RELN: variants seen among roughly 807,000 people sequenced by gnomAD.
RELN encodes reelin.
In RELN, 108 loss-of-function variants were observed where a neutral mutation model predicts 427.6. That is an observed-to-expected ratio of 0.25 (90% CI 0.22 to 0.30). The LOEUF (loss-of-function observed/expected upper bound fraction) is 0.30. Among genes scored for constraint, RELN ranks in the 10% least tolerant of loss-of-function variants. The pLI, the probability that RELN is intolerant of heterozygous loss-of-function variation, is 1.00. For missense variants in RELN, 3,715 were observed against 4,302.8 expected (o/e 0.86, Z 3.82); for synonymous variants, 1,524 against 1,513.4 (o/e 1.01, Z -0.16).
chr7:103,839,125 A>G (rs1045415096), intron 2 of RELN, among the ~76,000 whole-genome samples: 2 of 152,270 alleles, frequency 1.3e-5, no homozygotes, highest in Admixed American at 6.5e-5. Flanking sequence ...AACACTATTC[A>G]TATCATTATG....
chr7:103,530,092 T>G (rs1829907320), intron 46 of RELN, among the ~76,000 whole-genome samples: 1 of 152,192 alleles, frequency 6.6e-6, no homozygotes, highest in Non-Finnish European at 1.5e-5. Context: ...CATTGCCTAT[T>G]ACTCTATGTT....
At chr7:103,613,451 G>T (rs568722284) in intron 20 of RELN, among the ~76,000 whole-genome samples, 11 of 152,250 alleles carry the variant, frequency 7.2e-5, no homozygotes, top group African/African-American at 2.6e-4. Flanking sequence ...ATATCAAGCT[G>T]TAGAATGCAA....
intron 6 of RELN, among the ~76,000 whole-genome samples, chr7:103,744,334 T>G (rs1462333248): frequency 6.6e-6 from 1 of 151,720 alleles, no homozygotes; most frequent in Non-Finnish European, 1.5e-5. Flanking sequence ...ATTGACACCC[T>G]AACATCACAA....
intron 1 of RELN, among the ~76,000 whole-genome samples, chr7:103,987,910 C>T (rs541327383): frequency 6.6e-6 from 1 of 152,240 alleles, no homozygotes; most frequent in African/African-American, 2.4e-5. Flanking sequence ...CTCTAGGAGA[C>T]GTTTATTTAG....
intron 2 of RELN, among the ~76,000 whole-genome samples, chr7:103,867,490 A>G (rs982310316): frequency 7.2e-5 from 11 of 152,034 alleles, no homozygotes; most frequent in Non-Finnish European, 1.3e-4. Context: ...AATGTACTGG[A>G]TCAAAACTGT....
intron 52 of RELN, 140 bp downstream of exon 52, chr7:103,502,876 C>G (rs897804019): frequency 7.9e-6 from 6 of 755,828 alleles, no homozygotes; most frequent in Non-Finnish European, 1.2e-5. Flanking sequence ...TGAAAGTAAC[C>G]AATTAGAGAA....
In RELN at chr7:103,589,134, G is replaced by T. The variant is rs74683996; in HGVS notation, c.4145+462C>A. On this transcript the variant is annotated intron_variant, in intron 28 of 64. Coordinates refer to ENST00000428762, the MANE Select transcript of RELN (RefSeq NM_005045.4). Reference sequence around the variant, plus strand: ...TTTCTTCAGGTCTCAGCTTTTTGGTGACTGCATATGCAGTGGTGACCCACT... The same window carrying T: ...TTTCTTCAGGTCTCAGCTTTTTGGTTACTGCATATGCAGTGGTGACCCACT... Among the ~76,000 whole-genome samples, 196 of 152,256 alleles carry T rather than the reference G, an allele frequency of 1.3e-3. 4 individuals carry two copies. In the East Asian group the frequency reaches 0.033, roughly 26 times the overall value.
In RELN at chr7:103,634,366, G is replaced by T. The variant is rs1832533409; in HGVS notation, c.2465+1059C>A. Among the ~76,000 whole-genome samples the T allele has an allele frequency of 2.0e-5, 3 of 152,098 alleles. No individual in the cohort carries two copies. In the South Asian group the frequency reaches 6.2e-4, roughly 32 times the overall value. ...TTTTAACTTTAAACCTTAATTTTAA[G>T]CTTTCCCCATCCTCCTCATCCCTTG... On this transcript the variant is annotated intron_variant, in intron 19 of 64. Transcript: ENST00000428762.
intron 2 of RELN, among the ~76,000 whole-genome samples, chr7:103,863,574 T>C (rs931072209): frequency 1.3e-5 from 2 of 152,096 alleles, no homozygotes; most frequent in Non-Finnish European, 2.9e-5. Flanking sequence ...CTTAACCACA[T>C]CTTCACAGGA....
chr7:103,989,026 C>T lies in RELN; in HGVS notation c.226+105G>A, dbSNP rs1797162483. On this transcript the variant is annotated intron_variant, in intron 1 of 64. Coordinates refer to ENST00000428762, the MANE Select transcript of RELN (RefSeq NM_005045.4). The surrounding 1 kb of genome is among the most constrained non-coding windows in gnomAD (Gnocchi z 4.9). ...AGCGCATCGCTGGGGCCAGGGTTGTCATGGTTCTTGTTTCCAAGGCCCCTT... is the reference window on the plus strand; with the variant it reads ...AGCGCATCGCTGGGGCCAGGGTTGTTATGGTTCTTGTTTCCAAGGCCCCTT... The T allele has an allele frequency of 9.6e-7, 1 of 1,037,734 alleles. No individual in the cohort carries two copies. The highest frequency in any genetic ancestry group is 1.5e-6 in the Non-Finnish European group (1 of 666,612). 64.3% of individuals were successfully genotyped at this position (1,037,734 alleles called of 1,614,324 possible). A position where few individuals can be genotyped will look rare whatever the true frequency, so the allele number is the denominator to read the frequency against.
chr7:103,901,635 A>C (rs1795086739), intron 2 of RELN, among the ~76,000 whole-genome samples: 1 of 152,078 alleles, frequency 6.6e-6, no homozygotes, highest in South Asian at 2.1e-4. Context: ...TAAGTGAAAG[A>C]AGCTAGTCAC....
At chr7:103,932,264 T>C (rs758037944) in intron 1 of RELN, among the ~76,000 whole-genome samples, 74 of 152,206 alleles carry the variant, frequency 4.9e-4, no homozygotes, top group Non-Finnish European at 7.9e-4. Flanking sequence ...GAGGCTATTA[T>C]CCTTAGCAAA....
chr7:103,943,848 CAAAAAAAAAA>C (rs10631941), intron 1 of RELN, among the ~76,000 whole-genome samples: 8 of 76,440 alleles, frequency 1.0e-4, no homozygotes, highest in Admixed American at 1.8e-4. Context: ...ATTCTGTCTC[CAAAAAAAAAA>C]AAAAAAAAAA....
At chr7:103,662,349 TGG>T (rs1833161729) in intron 11 of RELN, among the ~76,000 whole-genome samples, 1 of 152,122 alleles carries the variant, frequency 6.6e-6, no homozygotes, top group Non-Finnish European at 1.5e-5. Context: ...CCAGCAGGCA[TGG>T]TGGCTCACAC....
chr7:103,564,023 A>G (rs1299262941), intron 34 of RELN, among the ~76,000 whole-genome samples: 1 of 152,232 alleles, frequency 6.6e-6, no homozygotes. Context: ...ATGTATCACC[A>G]TCGTTAAGTG....
chr7:103,644,582 A>C (rs929263707), intron 16 of RELN, among the ~76,000 whole-genome samples: 3 of 151,634 alleles, frequency 2.0e-5, no homozygotes, highest in African/African-American at 7.3e-5. Context: ...AGACTGAAAG[A>C]AAGAACAAGA....
At chr7:103,717,518 T>C (rs996241755) in intron 8 of RELN, among the ~76,000 whole-genome samples, 1 of 151,646 alleles carries the variant, frequency 6.6e-6, no homozygotes, top group South Asian at 2.1e-4. Context: ...TATTTGAAGA[T>C]CTGGAAATTA....
At chr7:103,752,739 CAA>C (rs1366896168) in intron 5 of RELN, among the ~76,000 whole-genome samples, 2 of 152,168 alleles carry the variant, frequency 1.3e-5, no homozygotes. Flanking sequence ...AAAGAAATGA[CAA>C]AATAATTTCT....
At chr7:103,845,541 T>C (rs1793654109) in intron 2 of RELN, among the ~76,000 whole-genome samples, 1 of 152,186 alleles carries the variant, frequency 6.6e-6, no homozygotes, top group Non-Finnish European at 1.5e-5. Flanking sequence ...ATCTGTAAAG[T>C]GATCTGTCAC....
Sources: allele counts gnomAD v4.1 joint callset (sites outside exome capture counted in the v4.1 genomes callset), GRCh38; gene constraint gnomAD v4.1.1; non-coding constraint Gnocchi (gnomAD v3.1); transcripts MANE v1.5; gene names NCBI Gene and HGNC (gene_info 2026-07-23, HGNC 2026-07-21).